Variants in UBA6 observed in about 807,000 individuals in gnomAD.
UBA6 encodes the protein ubiquitin like modifier activating enzyme 6.
A neutral mutation model predicts 148.3 loss-of-function variants in UBA6; 87 were observed. The observed-to-expected ratio is 0.59, with a 90% confidence interval of 0.49 to 0.70. The LOEUF (loss-of-function observed/expected upper bound fraction) is 0.70, where lower values mean the gene tolerates loss of function less well. UBA6 is among the 30% of genes least tolerant of loss of function. The pLI, the probability that UBA6 is intolerant of heterozygous loss-of-function variation, is 0.00. For missense variants in UBA6, 1,186 were observed against 1,241.2 expected, an observed-to-expected ratio of 0.96 and a Z score of 0.67; for synonymous variants, 376 against 401.0, an observed-to-expected ratio of 0.94 and a Z score of 0.75.
At chr4:67,691,779 C>T (rs1228876780) in intron 2 of UBA6, among the ~76,000 whole-genome samples, 1 of 151,276 alleles carries the variant, frequency 6.6e-6, no homozygotes, top group East Asian at 1.9e-4. Context: ...AAAATGAATC[C>T]AGTGGAAGGA....
intron 2 of UBA6, among the ~76,000 whole-genome samples, chr4:67,685,002 G>A (rs1730524513): frequency 6.6e-6 from 1 of 152,078 alleles, no homozygotes; most frequent in South Asian, 2.1e-4. Context: ...AGGCAGTCTA[G>A]CCTTAGCATC....
At chr4:67,649,587 C>T (rs1729504413) in intron 13 of UBA6, among the ~76,000 whole-genome samples, 1 of 151,996 alleles carries the variant, frequency 6.6e-6, no homozygotes, top group Non-Finnish European at 1.5e-5. Context: ...ATGAAAACTA[C>T]TATGAAAAAA....
chr4:67,647,383 T>C (rs1289399585), intron 14 of UBA6, among the ~76,000 whole-genome samples: 2 of 152,104 alleles, frequency 1.3e-5, no homozygotes, highest in Non-Finnish European at 2.9e-5. Flanking sequence ...CGACCTCAGG[T>C]GATCTGCCCA....
At chr4:67,692,808 C>CT (rs1052106176) in intron 2 of UBA6, among the ~76,000 whole-genome samples, 11 of 152,088 alleles carry the variant, frequency 7.2e-5, no homozygotes, top group Non-Finnish European at 1.6e-4. Context: ...ATTGTCAATG[C>CT]TATGGAAGAG....
In UBA6 at chr4:67,645,857, A is replaced by G. The variant is rs926344643; in HGVS notation, c.1395+81T>C. The G allele has an allele frequency of 1.3e-5, 10 of 787,230 alleles. No individual in the cohort carries two copies. The African/African-American group carries it at 1.7e-4, about 14-fold the overall frequency. The allele number at this position is 787,230 out of a possible 1,614,324, so 48.8% of individuals were successfully genotyped here. A position where few individuals can be genotyped will look rare whatever the true frequency, so the allele number is the denominator to read the frequency against. ...CTACTCACCTGTACTCTACACACTTAGACTCAAATTTGTTTTAATGAATTA... is the reference window on the plus strand; with the variant it reads ...CTACTCACCTGTACTCTACACACTTGGACTCAAATTTGTTTTAATGAATTA... On this transcript the variant is annotated intron_variant, in intron 16 of 32. Transcript: ENST00000322244.
intron 2 of UBA6, among the ~76,000 whole-genome samples, chr4:67,685,476 T>C (rs983291206): frequency 2.0e-5 from 3 of 152,284 alleles, no homozygotes; most frequent in African/African-American, 4.8e-5. Context: ...CTGGACTTTT[T>C]TGAGTTGATG....
At chr4:67,669,731 CA>C (rs1376444888) in intron 8 of UBA6, among the ~76,000 whole-genome samples, 4 of 152,030 alleles carry the variant, frequency 2.6e-5, no homozygotes, top group Non-Finnish European at 1.5e-5. Flanking sequence ...AGAAATATAA[CA>C]AATTAGAAAT....
rs1172370865 is a variant in UBA6 at position 67,619,018 on chromosome 4, G to A, written c.3138C>T (p.Tyr1046=). ...TGTATTAATCAGTGTCATGACTGAAGTAGTATCTTACTGGAGGTCCCGGCA... is the reference window on the plus strand; with the variant it reads ...TGTATTAATCAGTGTCATGACTGAAATAGTATCTTACTGGAGGTCCCGGCA... ...EDLPGPPVRY[Y]FSHDTD The change falls in exon 33 of 33, where the codon TAC becomes TAT. Residue 1046 remains tyrosine, a synonymous_variant. Transcript: ENST00000322244. 1 of 1,613,992 alleles carries A rather than the reference G, an allele frequency of 6.2e-7. No individual in the cohort carries two copies. Among genetic ancestry groups the A allele is most frequent in the East Asian group, 2.2e-5 (1 of 44,850 alleles).
At position 67,631,755 on chromosome 4, in the gene UBA6, T is replaced by C; in HGVS notation, c.2211A>G (p.Ser737=). ...TTATTGGAGAGGGTGGCCTCTTTGG[T>C]GACTGCCAAAATAAACCTGGCAAAA... ...RLKDGSLFWQ[S]PKRPPSPIKF... Residue 737 remains serine (S), a synonymous_variant, in exon 25 of 33, where the codon TCA becomes TCG. Transcript: ENST00000322244. 1 of 1,611,780 alleles carries C rather than the reference T, an allele frequency of 6.2e-7. No homozygotes were observed. Among genetic ancestry groups the C allele is most frequent in the Non-Finnish European group, 8.5e-7 (1 of 1,179,038 alleles).
intron 2 of UBA6, among the ~76,000 whole-genome samples, chr4:67,694,672 C>T (rs1484507299): frequency 1.3e-5 from 2 of 152,212 alleles, no homozygotes; most frequent in African/African-American, 4.8e-5. Flanking sequence ...GCTGGGATTA[C>T]AGGCATGAGC....
chr4:67,634,567 AT>A, intron 20 of UBA6, 49 bp from the exon 21 acceptor site: 2 of 1,299,618 alleles, frequency 1.5e-6, no homozygotes, highest in Admixed American at 2.6e-5. Context: ...GCAATGACCA[AT>A]TTTTATTGAT....
intron 2 of UBA6, among the ~76,000 whole-genome samples, chr4:67,685,418 T>C (rs956249057): frequency 1.3e-5 from 2 of 152,230 alleles, no homozygotes; most frequent in African/African-American, 4.8e-5. Context: ...CTTAGTTCTC[T>C]AGTGTCATCT....
chr4:67,695,957 T>G (rs1730821658), intron 2 of UBA6, among the ~76,000 whole-genome samples: 1 of 152,144 alleles, frequency 6.6e-6, no homozygotes, highest in Non-Finnish European at 1.5e-5. Context: ...CTCATCAAAT[T>G]TCATTCAAAT....
At chr4:67,631,271 CTAA>C (rs1728991403) in intron 25 of UBA6, among the ~76,000 whole-genome samples, 1 of 152,098 alleles carries the variant, frequency 6.6e-6, no homozygotes, top group Non-Finnish European at 1.5e-5. Context: ...TAATGTGTAT[CTAA>C]TATAGTGTTT....
At chr4:67,699,202 C>T (rs1730911794) in intron 1 of UBA6, among the ~76,000 whole-genome samples, 1 of 152,156 alleles carries the variant, frequency 6.6e-6, no homozygotes, top group African/African-American at 2.4e-5. Flanking sequence ...AGCTGAACCA[C>T]TGTGAGAGCT....
chr4:67,626,210 T>G, intron 28 of UBA6, 150 bp downstream of exon 28: 1 of 618,736 alleles, frequency 1.6e-6, no homozygotes, highest in African/African-American at 1.9e-5. Flanking sequence ...CAGTTAAAGA[T>G]GAACACTGAC....
In UBA6 at chr4:67,615,780, C is replaced by A. The variant is rs1362810999; in HGVS notation, c.*3217G>T. On this transcript the variant is annotated 3_prime_UTR_variant, in exon 33 of 33. Coordinates refer to ENST00000322244, the MANE Select transcript of UBA6 (RefSeq NM_018227.6). ...AGAATGTATGATTTTAAATAAAACT[C>A]AAAAACAAGCAAACTGTATTGTTTA... 5.0e-6 allele frequency: 1 copy of A among 201,290 alleles called. No individual in the cohort carries two copies. Among genetic ancestry groups the A allele is most frequent in the Non-Finnish European group, 9.9e-6 (1 of 101,118 alleles). The allele number at this position is 201,290 out of a possible 1,614,324, so 12.5% of individuals were successfully genotyped here.
Position 67,629,095 on chromosome 4 carries a change from A to T in UBA6, c.2376T>A (p.Ile792=). The change falls in exon 27 of 33, where the codon ATT becomes ATA. Residue 792 remains isoleucine, a synonymous_variant. Coordinates refer to ENST00000322244, the MANE Select transcript of UBA6 (RefSeq NM_018227.6). ...ALLNILSEVK[I]QEFKPSNKVV... is the part of the protein sequence containing the mutation. Reference sequence around the variant, plus strand: ...CCTTATTGGAAGGCTTGAATTCCTGAATCTTTACTTCTGAAAGAATATTCA... The same window carrying T: ...CCTTATTGGAAGGCTTGAATTCCTGTATCTTTACTTCTGAAAGAATATTCA... 6.2e-7 allele frequency: 1 copy of T among 1,610,068 alleles called. No homozygotes were observed. Among genetic ancestry groups the T allele is most frequent in the Non-Finnish European group, 8.5e-7 (1 of 1,177,076 alleles).
intron 2 of UBA6, among the ~76,000 whole-genome samples, chr4:67,690,298 T>A (rs1156505650): frequency 6.6e-6 from 1 of 151,884 alleles, no homozygotes; most frequent in East Asian, 1.9e-4. Context: ...TACAAAATAA[T>A]CAAATCAAAA....
Sources: allele counts gnomAD v4.1 joint callset (sites outside exome capture counted in the v4.1 genomes callset), GRCh38; gene constraint gnomAD v4.1.1; transcripts MANE v1.5; gene names NCBI Gene and HGNC (gene_info 2026-07-23, HGNC 2026-07-21).